The following OPCML variants were observed in gnomAD, a reference collection of about 807,000 sequenced individuals.
OPCML encodes the protein opioid-binding protein/cell adhesion molecule.
A neutral mutation model predicts 37.8 loss-of-function variants in OPCML; 13 were observed. The observed-to-expected ratio is 0.34, with a 90% CI of 0.22 to 0.55. The LOEUF (loss-of-function observed/expected upper bound fraction) is 0.55, where lower values mean the gene tolerates loss of function less well. Ranked by LOEUF, OPCML falls within the 20% of genes least tolerant of loss-of-function variation. The pLI, the probability that OPCML is intolerant of heterozygous loss-of-function variation, is 0.91. For synonymous variants in OPCML, 176 were observed against 168.8 expected, an observed-to-expected ratio of 1.04 and a Z score of -0.33; for missense variants, 341 against 435.6, an observed-to-expected ratio of 0.78 and a Z score of 1.93.
chr11:133,147,207 C>A (rs145930168), intron 1 of OPCML, among the ~76,000 whole-genome samples: 1 of 152,098 alleles, frequency 6.6e-6, no homozygotes, highest in Non-Finnish European at 1.5e-5. Context: ...ACTTTCTACA[C>A]GCAGGCTTTG....
intron 1 of OPCML, among the ~76,000 whole-genome samples, chr11:133,219,070 A>G (rs1939705434): frequency 6.6e-6 from 1 of 152,138 alleles, no homozygotes; most frequent in African/African-American, 2.4e-5. Context: ...TGTGTCTCTG[A>G]CCAGCTGCCT....
intron 2 of OPCML, among the ~76,000 whole-genome samples, chr11:132,855,814 T>C (rs1489583874): frequency 1.3e-5 from 2 of 152,198 alleles, no homozygotes; most frequent in Non-Finnish European, 2.9e-5. Context: ...GGGTAATGTG[T>C]TATACAGCAA....
chr11:132,710,428 T>C (rs1297154934), intron 2 of OPCML, among the ~76,000 whole-genome samples: 1 of 152,200 alleles, frequency 6.6e-6, no homozygotes, highest in Non-Finnish European at 1.5e-5. Context: ...GCATCCATTA[T>C]AAAGGAGACA....
intron 2 of OPCML, among the ~76,000 whole-genome samples, chr11:132,700,990 ATTG>A (rs1943790525): frequency 6.6e-6 from 1 of 152,174 alleles, no homozygotes; most frequent in South Asian, 2.1e-4. Context: ...TATATTTACA[ATTG>A]TTGTATCTTC....
At chr11:132,574,135 G>C (rs190498477) in intron 3 of OPCML, among the ~76,000 whole-genome samples, 1 of 147,990 alleles carries the variant, frequency 6.8e-6, no homozygotes, top group East Asian at 1.9e-4. Flanking sequence ...AAGTAGTTTA[G>C]TTAAGAATTT....
intron 1 of OPCML, among the ~76,000 whole-genome samples, chr11:133,163,510 T>C (rs1349737788): frequency 1.3e-5 from 2 of 152,162 alleles, no homozygotes. Flanking sequence ...GCAGGAGTCA[T>C]TCAGGAATAA....
chr11:133,199,496 C>G (rs1333464884), intron 1 of OPCML, among the ~76,000 whole-genome samples: 1 of 152,152 alleles, frequency 6.6e-6, no homozygotes, highest in Non-Finnish European at 1.5e-5. Context: ...GGCAGGGGAA[C>G]AGTTAGCTGG....
Position 133,212,843 on chromosome 11 carries a change from C to T in OPCML, c.62-269833G>A, listed in dbSNP as rs953528680. ...AAGAGTGAACTCATGACACTGCACC[C>T]TTTGTATGGGTTTCCATACTCTAAA... On this transcript the variant is annotated intron_variant, in intron 1 of 7. Coordinates refer to ENST00000524381, the MANE Select transcript of OPCML (RefSeq NM_001012393.5). This position sits in a 1 kb window ranked among gnomAD's most constrained non-coding sequence, Gnocchi z 4.9. 6.6e-6 allele frequency among the ~76,000 whole-genome samples: 1 copy of T among 152,178 alleles called. No individual in the cohort carries two copies.
intron 7 of OPCML, among the ~76,000 whole-genome samples, chr11:132,432,598 T>C (rs966694910): frequency 2.0e-5 from 3 of 152,180 alleles, no homozygotes; most frequent in Non-Finnish European, 2.9e-5. Flanking sequence ...GACAGCTAAA[T>C]TGTGGCTGTG....
intron 2 of OPCML, among the ~76,000 whole-genome samples, chr11:132,714,529 A>G (rs1029746915): frequency 2.6e-5 from 4 of 152,238 alleles, no homozygotes; most frequent in African/African-American, 7.2e-5. Flanking sequence ...AGAGCACGCA[A>G]TGCCGCATCA....
chr11:132,894,047 C>A (rs1943747582), intron 2 of OPCML, among the ~76,000 whole-genome samples: 2 of 152,162 alleles, frequency 1.3e-5, no homozygotes, highest in South Asian at 4.1e-4. Flanking sequence ...CTAGTCTTTT[C>A]TTCTCTAAAT....
chr11:133,178,772 T>C (rs1171606748), intron 1 of OPCML, among the ~76,000 whole-genome samples: 3 of 152,162 alleles, frequency 2.0e-5, no homozygotes, highest in African/African-American at 4.8e-5. Flanking sequence ...GATGCTTTAA[T>C]TCATAGTTTG....
Position 132,418,239 on chromosome 11 carries a change from C to T in OPCML, c.*1954G>A, listed in dbSNP as rs2095945256. On this transcript the variant is annotated 3_prime_UTR_variant, in exon 8 of 8. Coordinates refer to ENST00000524381, the MANE Select transcript of OPCML (RefSeq NM_001012393.5). The stretch of plus-strand genomic sequence containing the variant: ...CTGAGGGCCTGAAAAGGTTTTCCAA[C>T]TGAGGCAGGGCAGGTCTGCGATTGA... 6.6e-6 allele frequency: 1 copy of T among 152,202 alleles called. No individual in the cohort carries two copies. Among genetic ancestry groups the T allele is most frequent in the African/African-American group, 2.4e-5 (1 of 41,444 alleles). 9.4% of individuals were successfully genotyped at this position (152,202 alleles called of 1,614,324 possible).
intron 1 of OPCML, among the ~76,000 whole-genome samples, chr11:133,182,682 G>A (rs1467902251): frequency 6.6e-6 from 1 of 152,200 alleles, no homozygotes; most frequent in Admixed American, 6.5e-5. Context: ...GAGCGGAGAT[G>A]CCAAGAGGTG....
chr11:133,150,778 C>A (rs1018835823), intron 1 of OPCML, among the ~76,000 whole-genome samples: 9 of 152,134 alleles, frequency 5.9e-5, no homozygotes, highest in African/African-American at 1.7e-4. Flanking sequence ...TAGACCTGGT[C>A]ATAAAAATGA....
chr11:133,056,508 T>G (rs1948242119), intron 1 of OPCML, among the ~76,000 whole-genome samples: 1 of 152,228 alleles, frequency 6.6e-6, no homozygotes, highest in South Asian at 2.1e-4. Context: ...TTAAATCTAC[T>G]GTAAAATTAA....
At chr11:132,963,415 C>T (rs947261748) in intron 1 of OPCML, among the ~76,000 whole-genome samples, 5 of 151,934 alleles carry the variant, frequency 3.3e-5, no homozygotes, top group African/African-American at 1.2e-4. Flanking sequence ...TATGGTGAAA[C>T]CCCGTCTCGA....
intron 1 of OPCML, among the ~76,000 whole-genome samples, chr11:133,203,840 C>T (rs982726763): frequency 5.3e-5 from 8 of 152,000 alleles, no homozygotes; most frequent in African/African-American, 1.4e-4. Context: ...GGGTGGATCA[C>T]GAGGTCAGGA....
chr11:132,768,765 G>A (rs1946540842), intron 2 of OPCML, among the ~76,000 whole-genome samples: 1 of 152,104 alleles, frequency 6.6e-6, no homozygotes, highest in Non-Finnish European at 1.5e-5. Flanking sequence ...TGCTCTGAGT[G>A]CCAGCCAGGC....
Sources: allele counts gnomAD v4.1 joint callset (sites outside exome capture counted in the v4.1 genomes callset), GRCh38; gene constraint gnomAD v4.1.1; non-coding constraint Gnocchi (gnomAD v3.1); transcripts MANE v1.5; gene names NCBI Gene and HGNC (gene_info 2026-07-23, HGNC 2026-07-21).